Variants in STK33 observed in about 807,000 individuals in gnomAD.
The protein encoded by STK33 is serine/threonine-protein kinase 33.
STK33 carries 52 observed loss-of-function variants against 58.0 expected under a neutral mutation model. That is an observed-to-expected ratio of 0.90 (90% CI 0.72 to 1.13). The LOEUF (loss-of-function observed/expected upper bound fraction) is 1.13, where lower values mean the gene tolerates loss of function less well. Ranked by LOEUF, STK33 falls within the 50% of genes most tolerant of loss-of-function variation. STK33 has a pLI of 0.00. For synonymous variants in STK33, 215 were observed against 200.1 expected (o/e 1.07, Z -0.63); for missense variants, 630 against 604.2 (o/e 1.04, Z -0.45).
the STK33 span, among the ~76,000 whole-genome samples, chr11:8,377,196 C>T: frequency 6.6e-6 from 1 of 152,194 alleles, no homozygotes; most frequent in Non-Finnish European, 1.5e-5. Context: ...TCGAGAGTGA[C>T]CAGTAGATAC....
intron 1 of STK33, among the ~76,000 whole-genome samples, chr11:8,539,345 C>T (rs944084989): frequency 6.6e-6 from 1 of 152,158 alleles, no homozygotes; most frequent in Non-Finnish European, 1.5e-5. Context: ...AAAATGTTCC[C>T]TCAGTGAGGT....
intron 15 of STK33, among the ~76,000 whole-genome samples, chr11:8,397,575 A>G (rs977391402): frequency 2.0e-5 from 3 of 152,210 alleles, no homozygotes; most frequent in Non-Finnish European, 4.4e-5. Flanking sequence ...CCAAAGGAAT[A>G]CAGCTTCTCA....
chr11:8,389,190 T>C (rs1848585040), downstream of STK33, among the ~76,000 whole-genome samples: 1 of 152,220 alleles, frequency 6.6e-6, no homozygotes, highest in South Asian at 2.1e-4. Flanking sequence ...AGGCTGGTCT[T>C]GGCCTGCAAG....
intron 1 of STK33, among the ~76,000 whole-genome samples, chr11:8,537,633 G>T (rs147335145): frequency 2.6e-5 from 4 of 151,826 alleles, no homozygotes; most frequent in Admixed American, 2.6e-4. Context: ...TGTGCCAAGC[G>T]CTGTGGCTCA....
At chr11:8,370,815 C>G in the STK33 span, among the ~76,000 whole-genome samples, 1 of 152,134 alleles carries the variant, frequency 6.6e-6, no homozygotes, top group African/African-American at 2.4e-5. Context: ...GCGCCCAGCA[C>G]GAGAAGTGGC....
At chr11:8,524,091 C>T (rs1377492775) in intron 1 of STK33, among the ~76,000 whole-genome samples, 1 of 152,146 alleles carries the variant, frequency 6.6e-6, no homozygotes, top group African/African-American at 2.4e-5. Context: ...GCAAGATGTG[C>T]TTTGTTAAAC....
intron 15 of STK33, among the ~76,000 whole-genome samples, chr11:8,404,959 T>C (rs1420147494): frequency 6.6e-6 from 1 of 152,042 alleles, no homozygotes. Context: ...ACTAACACAG[T>C]AAAACCCCAT....
intron 1 of STK33, among the ~76,000 whole-genome samples, chr11:8,501,632 G>A (rs1332588636): frequency 9.2e-5 from 14 of 152,136 alleles, no homozygotes; most frequent in Admixed American, 7.9e-4. Context: ...AAATCAGTTC[G>A]GGATTTCCTC....
chr11:8,410,647 AT>A (rs1214841660), intron 15 of STK33, among the ~76,000 whole-genome samples: 1 of 151,662 alleles, frequency 6.6e-6, no homozygotes, highest in African/African-American at 2.4e-5. Flanking sequence ...TACTTTTTGT[AT>A]TTTTAGTAGA....
the STK33 span, among the ~76,000 whole-genome samples, chr11:8,353,441 T>C: frequency 6.6e-6 from 1 of 152,232 alleles, no homozygotes; most frequent in Non-Finnish European, 1.5e-5. Flanking sequence ...GCTGCCTCCC[T>C]TGGGGGACAA....
chr11:8,421,536 T>C (rs1941921171), intron 14 of STK33, among the ~76,000 whole-genome samples: 2 of 152,200 alleles, frequency 1.3e-5, no homozygotes, highest in African/African-American at 4.8e-5. Context: ...AGTCTTAATA[T>C]CCGGTAGAGC....
rs534529138 is a variant in STK33 at position 8,547,372 on chromosome 11, G to A, written c.-466+46711C>T. ...TGGGATTACAGGCATGCGCCACCAC[G>A]CCTGGCTAATTTTGTATTTTTCCTA... On this transcript the variant is annotated intron_variant, in intron 1 of 15. Coordinates refer to ENST00000687296, the MANE Select transcript of STK33 (RefSeq NM_001352389.2). Among the ~76,000 whole-genome samples the A allele has an allele frequency of 8.1e-3, 1,230 of 152,066 alleles. 9 individuals are homozygous for A. The highest frequency in any genetic ancestry group is 0.048 in the Middle Eastern group (14 of 294).
Position 8,416,169 on chromosome 11 carries a change from C to T in STK33, c.1147-2477G>A, listed in dbSNP as rs147770331. ...GCAAAGAAAATAAAAGTGATAATGCCGAAAGTGAAAACTGAATAAAATACG... is the reference window on the plus strand; with the variant it reads ...GCAAAGAAAATAAAAGTGATAATGCTGAAAGTGAAAACTGAATAAAATACG... On this transcript the variant is annotated intron_variant, in intron 14 of 15. Coordinates refer to ENST00000687296, the MANE Select transcript of STK33 (RefSeq NM_001352389.2). Among the ~76,000 whole-genome samples the T allele has an allele frequency of 2.6e-5, 4 of 152,062 alleles. No individual in the cohort carries two copies. The East Asian group carries it at 7.7e-4, about 29-fold the overall frequency.
At chr11:8,545,012 G>A (rs137869685) in intron 1 of STK33, among the ~76,000 whole-genome samples, 1 of 152,260 alleles carries the variant, frequency 6.6e-6, no homozygotes, top group Non-Finnish European at 1.5e-5. Context: ...CAATCCAAAA[G>A]CTTTTCAAAT....
chr11:8,434,537 A>C (rs1408458519), intron 14 of STK33, among the ~76,000 whole-genome samples: 1 of 152,206 alleles, frequency 6.6e-6, no homozygotes. Flanking sequence ...TGCACACTAT[A>C]TCGTAAAGAT....
At chr11:8,453,726 G>A (rs1946544854) in intron 10 of STK33, among the ~76,000 whole-genome samples, 1 of 152,176 alleles carries the variant, frequency 6.6e-6, no homozygotes, top group South Asian at 2.1e-4. Context: ...TAGGCTCTTT[G>A]TCCAGAGACA....
intron 8 of STK33, among the ~76,000 whole-genome samples, 176 bp from the exon 9 acceptor site, chr11:8,457,655 T>C (rs1299802162): frequency 6.6e-6 from 1 of 152,116 alleles, no homozygotes; most frequent in East Asian, 1.9e-4. Context: ...GGTAAAGACA[T>C]AGTATTTATC....
intron 1 of STK33, among the ~76,000 whole-genome samples, chr11:8,510,734 C>T (rs1952248303): frequency 6.6e-6 from 1 of 152,130 alleles, no homozygotes; most frequent in South Asian, 2.1e-4. Flanking sequence ...TGCCAATTTT[C>T]CCAGTACCAT....
intron 1 of STK33, among the ~76,000 whole-genome samples, chr11:8,585,978 G>A (rs1468209308): frequency 6.6e-6 from 1 of 151,968 alleles, no homozygotes; most frequent in Admixed American, 6.5e-5. Flanking sequence ...GCTTGAACCT[G>A]GGAGGTGGAG....
Sources: gnomAD v4.1 joint callset for allele counts (sites outside exome capture counted in the v4.1 genomes callset) on GRCh38, gnomAD v4.1.1 for gene constraint, MANE v1.5 for transcripts, NCBI Gene and HGNC (gene_info 2026-07-23, HGNC 2026-07-21) for gene names.